Variants in MTRF1 observed in about 807,000 individuals in gnomAD.
The protein encoded by MTRF1 is mitochondrial translation release factor 1, also known as peptide chain release factor 1, mitochondrial.
MTRF1 carries 51 observed loss-of-function variants against 62.9 expected under a neutral mutation model. That is an observed-to-expected ratio of 0.81 (90% CI 0.65 to 1.02). The LOEUF is 1.02. MTRF1 is among the 50% of genes least tolerant of loss of function. The probability of loss-of-function intolerance (pLI) is 0.00; values close to 1 mark genes in which losing one functional copy is unlikely to be tolerated. For missense variants in MTRF1, 446 were observed against 530.0 expected (o/e 0.84, Z 1.56); for synonymous variants, 158 against 181.9 (o/e 0.87, Z 1.06).
the MTRF1 span, among the ~76,000 whole-genome samples, chr13:41,291,986 A>G: frequency 6.6e-6 from 1 of 152,252 alleles, no homozygotes; most frequent in South Asian, 2.1e-4. Context: ...CAAACAGATC[A>G]AAATCTTGAG....
At chr13:41,274,190 T>C in the MTRF1 span, among the ~76,000 whole-genome samples, 1 of 152,206 alleles carries the variant, frequency 6.6e-6, no homozygotes, top group Non-Finnish European at 1.5e-5. Flanking sequence ...TATCTGGTGC[T>C]ATGTGACTTT....
At chr13:41,243,414 A>G (rs370625799) in intron 5 of MTRF1, among the ~76,000 whole-genome samples, 8 of 150,716 alleles carry the variant, frequency 5.3e-5, no homozygotes, top group Middle Eastern at 3.4e-3. Flanking sequence ...CAAAAAAAAA[A>G]AAAAAAAAAA....
At chr13:41,287,865 A>G in the MTRF1 span, 5 of 333,280 alleles carry the variant, frequency 1.5e-5, no homozygotes, top group Non-Finnish European at 2.4e-5. Context: ...CAGGTATTTT[A>G]AAGCGCCAAT....
the MTRF1 span, among the ~76,000 whole-genome samples, chr13:41,296,700 T>C: frequency 6.6e-6 from 1 of 152,140 alleles, no homozygotes; most frequent in Non-Finnish European, 1.5e-5. Flanking sequence ...TTATGATTTT[T>C]GATTGCTATG....
At chr13:41,275,574 C>A in the MTRF1 span, among the ~76,000 whole-genome samples, 1 of 151,270 alleles carries the variant, frequency 6.6e-6, no homozygotes, top group African/African-American at 2.4e-5. Flanking sequence ...CTCACTGCAA[C>A]CTCTGTCTCC....
chr13:41,226,677 A>T, intron 7 of MTRF1, 109 bp from the exon 8 acceptor site: 1 of 1,300,180 alleles, frequency 7.7e-7, no homozygotes. Context: ...CACAAAAGAT[A>T]CAAACATTTT....
the MTRF1 span, among the ~76,000 whole-genome samples, chr13:41,301,785 G>A: frequency 2.6e-5 from 4 of 152,124 alleles, no homozygotes; most frequent in East Asian, 7.7e-4. Context: ...GAGCTGCACA[G>A]AAACAAAGTC....
intron 9 of MTRF1, among the ~76,000 whole-genome samples, chr13:41,218,281 ATTTTTTTTTTTTTTT>A (rs199717534): frequency 8.5e-6 from 1 of 117,832 alleles, no homozygotes; most frequent in Non-Finnish European, 1.9e-5. Context: ...CACCCAGCTA[ATTTTTTTTTTTTTTT>A]TTTTTTTTTT....
chr13:41,298,178 C>T, the MTRF1 span, among the ~76,000 whole-genome samples: 1 of 152,140 alleles, frequency 6.6e-6, no homozygotes, highest in African/African-American at 2.4e-5. Flanking sequence ...AACTCATGAT[C>T]TTTTTTGCTT....
upstream of MTRF1, among the ~76,000 whole-genome samples, chr13:41,264,554 C>T (rs2040775706): frequency 6.6e-6 from 1 of 152,172 alleles, no homozygotes; most frequent in Non-Finnish European, 1.5e-5. Context: ...AGATTATAAT[C>T]ACATACATAG....
rs142426524 is a variant in MTRF1 at position 41,240,339 on chromosome 13, G to A, written c.792C>T (p.Pro264=). The A allele has an allele frequency of 2.0e-5, 32 of 1,613,918 alleles. No homozygotes were observed. In the African/African-American group the frequency reaches 2.8e-4, roughly 14 times the overall value. Residue 264 remains proline, a synonymous_variant, in exon 6 of 10, where the codon CCC becomes CCT. Coordinates refer to ENST00000379480, the MANE Select transcript of MTRF1 (RefSeq NM_004294.4). ...GCATCCTTGAGGACAGGCCCACCTC[G>A]GGGATGCGCTGAACTCGGTGAATCC... ...EGGIHRVQRI[P]EVGLSSRMQR... is the part of the protein sequence containing the mutation.
chr13:41,217,392 AC>A (rs2032110199), intron 9 of MTRF1, among the ~76,000 whole-genome samples, 164 bp from the exon 10 acceptor site: 1 of 152,196 alleles, frequency 6.6e-6, no homozygotes, highest in Non-Finnish European at 1.5e-5. Flanking sequence ...GAAGATCCCC[AC>A]TCTGTAGAAG....
the MTRF1 span, among the ~76,000 whole-genome samples, chr13:41,278,574 C>T: frequency 6.6e-6 from 1 of 152,170 alleles, no homozygotes; most frequent in South Asian, 2.1e-4. Flanking sequence ...CCTCCAAACC[C>T]TGCCTCACTA....
intron 9 of MTRF1, chr13:41,220,616 G>A (rs570056921): frequency 5.4e-6 from 7 of 1,287,450 alleles, no homozygotes; most frequent in African/African-American, 3.0e-5. Context: ...GCAGGGTCAC[G>A]ACTACCACCC....
chr13:41,268,292 T>C (rs1438438822), upstream of MTRF1, among the ~76,000 whole-genome samples: 1 of 152,228 alleles, frequency 6.6e-6, no homozygotes, highest in African/African-American at 2.4e-5. Context: ...AGCCAAATTA[T>C]GTCATTTTTG....
chr13:41,274,797 G>A, the MTRF1 span, among the ~76,000 whole-genome samples: 19 of 151,842 alleles, frequency 1.3e-4, no homozygotes, highest in East Asian at 1.7e-3. Flanking sequence ...CACCACACCC[G>A]GCTAATTTTT....
the MTRF1 span, among the ~76,000 whole-genome samples, chr13:41,309,051 T>C: frequency 2.0e-5 from 3 of 152,220 alleles, no homozygotes; most frequent in Non-Finnish European, 4.4e-5. Flanking sequence ...GCAAAGGACA[T>C]GGTCTCATTC....
At chr13:41,241,235 G>A (rs958263696) in intron 5 of MTRF1, among the ~76,000 whole-genome samples, 32 of 152,110 alleles carry the variant, frequency 2.1e-4, no homozygotes, top group African/African-American at 7.2e-4. Flanking sequence ...TAGTAGAGGC[G>A]GGGTTTCACT....
At chr13:41,285,978 C>A in the MTRF1 span, among the ~76,000 whole-genome samples, 8 of 150,234 alleles carry the variant, frequency 5.3e-5, no homozygotes, top group African/African-American at 2.0e-4. Flanking sequence ...GCAGGAGAAT[C>A]ACTTGAACCC....
Sources: allele counts gnomAD v4.1 joint callset (sites outside exome capture counted in the v4.1 genomes callset), GRCh38; gene constraint gnomAD v4.1.1; transcripts MANE v1.5; gene names NCBI Gene and HGNC (gene_info 2026-07-23, HGNC 2026-07-21).